Variants in CDC23 observed in about 807,000 individuals in gnomAD.
CDC23 encodes the protein cell division cycle 23, also known as cell division cycle protein 23 homolog.
In CDC23, 26 loss-of-function variants were observed where a neutral mutation model predicts 81.7. That is an observed-to-expected ratio of 0.32 (90% confidence interval 0.23 to 0.44). The LOEUF is 0.44. CDC23 is among the 20% of genes least tolerant of loss of function. The probability of loss-of-function intolerance (pLI) is 1.00; values close to 1 mark genes in which losing one functional copy is unlikely to be tolerated. For synonymous variants in CDC23, 267 were observed against 270.8 expected, an observed-to-expected ratio of 0.99 and a Z score of 0.14; for missense variants, 519 against 728.0, an observed-to-expected ratio of 0.71 and a Z score of 3.30.
rs201274256 is a variant in CDC23, at chr5:138,206,703, T to A, written c.235-19A>T. The A allele has an allele frequency of 6.2e-7, 1 of 1,603,854 alleles. No individual in the cohort carries two copies. The highest frequency in any genetic ancestry group is 1.1e-5 in the South Asian group (1 of 89,120). ...CATCTTCCTAAAAAAGAAACAAGCT[T>A]ATGTAAGTGGTTGGGAATAGGACAA... On this transcript the variant is annotated intron_variant, in intron 2 of 15. Transcript: ENST00000394886.
chr5:138,191,402 T>C (rs1754825235), intron 13 of CDC23, 72 bp downstream of exon 13: 1 of 1,273,884 alleles, frequency 7.9e-7, no homozygotes, highest in Non-Finnish European at 1.2e-6. Flanking sequence ...TGGGAGGCTC[T>C]AGACCATGCA....
chr5:138,207,259 A>G (rs1408747566), intron 2 of CDC23, among the ~76,000 whole-genome samples: 1 of 152,188 alleles, frequency 6.6e-6, no homozygotes, highest in East Asian at 1.9e-4. Flanking sequence ...ACACTCATAA[A>G]TGTGTATTGT....
intron 9 of CDC23, among the ~76,000 whole-genome samples, chr5:138,192,952 CAA>C (rs1365333522): frequency 6.6e-6 from 1 of 152,086 alleles, no homozygotes; most frequent in Non-Finnish European, 1.5e-5. Flanking sequence ...TTTTCTGAGA[CAA>C]AGTCTTGCTT....
intron 9 of CDC23, among the ~76,000 whole-genome samples, chr5:138,197,398 T>C (rs899039633): frequency 6.7e-6 from 1 of 149,012 alleles, no homozygotes; most frequent in African/African-American, 2.5e-5. Flanking sequence ...GGCAAAGATA[T>C]ATCATTAAGT....
intron 2 of CDC23, among the ~76,000 whole-genome samples, chr5:138,212,652 T>C (rs987372095): frequency 6.6e-6 from 1 of 152,170 alleles, no homozygotes; most frequent in Non-Finnish European, 1.5e-5. Flanking sequence ...TGGGTATTTA[T>C]TATGAGATAT....
rs752880445 is a variant in CDC23 at position 138,213,042 on chromosome 5, A to T, written c.183T>A (p.Ser61=). ...GCTCGGCCAGAGGCAATGCAGGGAGAGAGAAAGCCAACTCCGCCGACCTGG... is the reference window on the plus strand; with the variant it reads ...GCTCGGCCAGAGGCAATGCAGGGAGTGAGAAAGCCAACTCCGCCGACCTGG... ...SSKWSAELAF[S]LPALPLAELQ... The change falls in exon 2 of 16, where the codon TCT becomes TCA. Residue 61 remains serine (S), a synonymous_variant. Coordinates refer to ENST00000394886, the MANE Select transcript of CDC23 (RefSeq NM_004661.4). The T allele has an allele frequency of 9.9e-6, 16 of 1,613,680 alleles. No homozygotes were observed. In the African/African-American group the frequency reaches 1.6e-4, roughly 16 times the overall value.
At chr5:138,200,972 C>T (rs987601838) in intron 6 of CDC23, 135 bp downstream of exon 6, 10 of 906,530 alleles carry the variant, frequency 1.1e-5, no homozygotes, top group Non-Finnish European at 1.2e-5. Context: ...TCCAAAACAG[C>T]GAAAAGACAC....
intron 2 of CDC23, among the ~76,000 whole-genome samples, chr5:138,212,565 C>T (rs1755125605): frequency 6.6e-6 from 1 of 152,204 alleles, no homozygotes; most frequent in Non-Finnish European, 1.5e-5. Context: ...ATCCGCCCAC[C>T]TCGGCCTCCT....
At position 138,193,959 on chromosome 5, in the gene CDC23, C is replaced by CAA. The variant is rs79351836; in HGVS notation, c.1013-1304_1013-1303dup. 5.7e-3 allele frequency among the ~76,000 whole-genome samples: 692 copies of CAA among 120,524 alleles called. 5 individuals are homozygous for CAA. Among genetic ancestry groups the CAA allele is most frequent in the African/African-American group, 0.021 (674 of 32,414 alleles). The allele number at this position is 120,524 out of a possible 152,430, so 79.1% of individuals were successfully genotyped here. On this transcript the variant is annotated intron_variant, in intron 9 of 15. Transcript: ENST00000394886. ...GGCAACAAAAGCAAAACTCCGTCTC[C>CAA]AAAAAAAAAAAAAAGGTAGCGCTCT...
chr5:138,196,534 G>A (rs867526744), intron 9 of CDC23, among the ~76,000 whole-genome samples: 4 of 151,264 alleles, frequency 2.6e-5, no homozygotes, highest in East Asian at 2.0e-4. Context: ...TGATCCACCC[G>A]CCTTGGCCTC....
At chr5:138,201,501 T>A (rs1453030391) in intron 4 of CDC23, 53 bp from the exon 5 acceptor site, 16 of 1,214,102 alleles carry the variant, frequency 1.3e-5, no homozygotes, top group Non-Finnish European at 1.8e-5. Flanking sequence ...GTTTTCATTT[T>A]CTTATTTTAT....
chr5:138,191,678 C>A, intron 12 of CDC23, 143 bp from the exon 13 acceptor site: 1 of 946,860 alleles, frequency 1.1e-6, no homozygotes, highest in South Asian at 1.4e-5. Flanking sequence ...TAGGTCTAGG[C>A]TACACACTGA....
In CDC23 at chr5:138,187,700, C is replaced by T. The variant is rs1754770312; in HGVS notation, c.*1278G>A. ...TCCAAATGTAGCAAAATCATTAAAA[C>T]AAATTATAAAAGGGACAGAAAAATT... On this transcript the variant is annotated 3_prime_UTR_variant, in exon 16 of 16. Coordinates refer to ENST00000394886, the MANE Select transcript of CDC23 (RefSeq NM_004661.4). 3.5e-6 allele frequency: 1 copy of T among 281,858 alleles called. No homozygotes were observed. Among genetic ancestry groups the T allele is most frequent in the African/African-American group, 2.2e-5 (1 of 45,070 alleles). 17.5% of individuals were successfully genotyped at this position (281,858 alleles called of 1,614,324 possible).
chr5:138,199,730 G>A (rs1375049858), intron 6 of CDC23, among the ~76,000 whole-genome samples: 1 of 152,228 alleles, frequency 6.6e-6, no homozygotes, highest in Non-Finnish European at 1.5e-5. Context: ...AGTCTATCAA[G>A]TTGGGAGAAA....
At chr5:138,196,694 C>A (rs1191858337) in intron 9 of CDC23, among the ~76,000 whole-genome samples, 1 of 151,818 alleles carries the variant, frequency 6.6e-6, no homozygotes, top group Non-Finnish European at 1.5e-5. Flanking sequence ...CATTCTCCTG[C>A]CTCAGCCTCC....
chr5:138,195,638 CAT>C (rs1398131475), intron 9 of CDC23, among the ~76,000 whole-genome samples: 2 of 105,626 alleles, frequency 1.9e-5, no homozygotes, highest in South Asian at 2.5e-4. Context: ...AATATATATA[CAT>C]ATATAATATA....
chr5:138,198,147 G>GT (rs1263832116), intron 9 of CDC23, 52 bp downstream of exon 9: 1 of 1,332,006 alleles, frequency 7.5e-7, no homozygotes, highest in African/African-American at 1.5e-5. Context: ...TTTCACATGT[G>GT]TTACTTATAA....
chr5:138,195,731 T>TAC (rs1554107028), intron 9 of CDC23, among the ~76,000 whole-genome samples: 3 of 117,536 alleles, frequency 2.6e-5, no homozygotes, highest in African/African-American at 9.8e-5. Context: ...TGTATATATA[T>TAC]ACATATAATA....
At chr5:138,198,021 T>C (rs554233399) in intron 9 of CDC23, among the ~76,000 whole-genome samples, 178 bp downstream of exon 9, 1 of 152,292 alleles carries the variant, frequency 6.6e-6, no homozygotes, top group African/African-American at 2.4e-5. Flanking sequence ...TGCAGTGACA[T>C]GATCACAGCT....
Sources: allele counts gnomAD v4.1 joint callset (sites outside exome capture counted in the v4.1 genomes callset), GRCh38; gene constraint gnomAD v4.1.1; transcripts MANE v1.5; gene names NCBI Gene and HGNC (gene_info 2026-07-23, HGNC 2026-07-21).